The following WARS1 variants were observed in gnomAD, a reference collection of about 807,000 sequenced individuals.
The protein encoded by WARS1 is tryptophan--tRNA ligase, cytoplasmic.
In WARS1, 17 loss-of-function variants were observed where a neutral mutation model predicts 47.8. The ratio of observed to expected loss-of-function variants is 0.36; its 90% CI spans 0.24 to 0.53. The LOEUF (loss-of-function observed/expected upper bound fraction) is 0.53. Ranked by LOEUF, WARS1 falls within the 20% of genes least tolerant of loss-of-function variation. The pLI, the probability that WARS1 is intolerant of heterozygous loss-of-function variation, is 0.91. For missense variants in WARS1, 434 were observed against 608.0 expected (o/e 0.71, Z 3.01); for synonymous variants, 208 against 228.1 (o/e 0.91, Z 0.79).
At chr14:100,346,620 A>G (rs1467067747) in intron 7 of WARS1, 126 bp downstream of exon 7, 1 of 754,398 alleles carries the variant, frequency 1.3e-6, no homozygotes, top group Non-Finnish European at 2.2e-6. Flanking sequence ...TGGGCATCCT[A>G]CTTAAAGAGA....
intron 4 of WARS1, among the ~76,000 whole-genome samples, chr14:100,360,281 C>A (rs1462201119): frequency 3.3e-5 from 5 of 152,130 alleles, no homozygotes; most frequent in Non-Finnish European, 7.3e-5. Context: ...TCTTTACAGC[C>A]TGTAATCTGG....
intron 10 of WARS1, among the ~76,000 whole-genome samples, chr14:100,335,996 G>A (rs1297934756): frequency 6.6e-6 from 1 of 151,228 alleles, no homozygotes; most frequent in Non-Finnish European, 1.5e-5. Flanking sequence ...GAGGGTCTTG[G>A]CTGGACGCGG....
intron 6 of WARS1, among the ~76,000 whole-genome samples, chr14:100,349,220 C>T (rs1894817078): frequency 6.6e-6 from 1 of 152,190 alleles, no homozygotes; most frequent in Non-Finnish European, 1.5e-5. Context: ...GCAGTGCAGG[C>T]ACTATCATCT....
At position 100,355,369 on chromosome 14, in the gene WARS1, C is replaced by T. The variant is rs895204041; in HGVS notation, c.423-803G>A. On this transcript the variant is annotated intron_variant, in intron 4 of 10. Coordinates refer to ENST00000392882, the MANE Select transcript of WARS1 (RefSeq NM_004184.4). ...CCGAGTAGCTGGGCATAGTAGGCACCTGCCACTATGCCCAGCTAATTTTTT... is the reference window on the plus strand; with the variant it reads ...CCGAGTAGCTGGGCATAGTAGGCACTTGCCACTATGCCCAGCTAATTTTTT... 4.6e-5 allele frequency among the ~76,000 whole-genome samples: 7 copies of T among 152,062 alleles called. No individual in the cohort carries two copies. The East Asian group carries it at 1.4e-3, about 30-fold the overall frequency.
At position 100,347,094 on chromosome 14, in the gene WARS1, G is replaced by A. The variant is rs732625; in HGVS notation, c.726-248C>T. ...GAAAGGCAGAAACCAGTGTGAAACCGACGTGAAGCAGACATACAAACAAGG... is the reference window on the plus strand; with the variant it reads ...GAAAGGCAGAAACCAGTGTGAAACCAACGTGAAGCAGACATACAAACAAGG... On this transcript the variant is annotated intron_variant, in intron 6 of 10. Coordinates refer to ENST00000392882, the MANE Select transcript of WARS1 (RefSeq NM_004184.4). Among the ~76,000 whole-genome samples the A allele has an allele frequency of 5.9e-3, 898 of 152,322 alleles. 3 individuals carry two copies. The highest frequency in any genetic ancestry group is 0.014 in the Middle Eastern group (4 of 294).
rs1309300657 is a variant in WARS1 at position 100,366,744 on chromosome 14, G to C, written c.99+2343C>G. 3.4e-6 allele frequency: 3 copies of C among 878,684 alleles called. No individual in the cohort carries two copies. The African/African-American group carries it at 4.9e-5, about 14-fold the overall frequency. The allele number at this position is 878,684 out of a possible 1,614,324, so 54.4% of individuals were successfully genotyped here. On this transcript the variant is annotated intron_variant, in intron 2 of 10. Coordinates refer to ENST00000392882, the MANE Select transcript of WARS1 (RefSeq NM_004184.4). The stretch of plus-strand genomic sequence containing the variant: ...ATCCAGAAGAAGCTGGCTGAAAAAG[G>C]GCTAAGGGATCCGTGGGGCCACAAT...
At chr14:100,351,855 T>C (rs1351978849) in intron 6 of WARS1, among the ~76,000 whole-genome samples, 1 of 151,908 alleles carries the variant, frequency 6.6e-6, no homozygotes, top group Non-Finnish European at 1.5e-5. Context: ...TAGCCGGACA[T>C]GGTGGCGGGC....
intron 2 of WARS1, chr14:100,368,517 GGAGTACATAACCAAAA>G (rs913931374): frequency 5.0e-5 from 23 of 455,900 alleles, no homozygotes; most frequent in African/African-American, 4.2e-4. Context: ...ACAGATATGG[GGAGTACATAACCAAAA>G]GATCGGCTAA....
At chr14:100,360,489 C>A in intron 4 of WARS1, 65 bp downstream of exon 4, 1 of 1,337,080 alleles carries the variant, frequency 7.5e-7, no homozygotes, top group Non-Finnish European at 1.0e-6. Flanking sequence ...AAGAGAGTGT[C>A]TTACGATTTT....
rs1893543150 is a variant in WARS1, at chr14:100,334,027, C to CT, written c.*847dup. 6.5e-6 allele frequency: 1 copy of CT among 152,678 alleles called. No homozygotes were observed. Among genetic ancestry groups the CT allele is most frequent in the African/African-American group, 2.4e-5 (1 of 41,448 alleles). 9.5% of individuals were successfully genotyped at this position (152,678 alleles called of 1,614,324 possible). Reference sequence around the variant, plus strand: ...CCAGGGACACAGCCAGGGCACTGCTCTGTGCTGACTTCCACTGCAGCCAAG... The same window carrying CT: ...CCAGGGACACAGCCAGGGCACTGCTCTTGTGCTGACTTCCACTGCAGCCAAG... On this transcript the variant is annotated 3_prime_UTR_variant, in exon 11 of 11. Transcript: ENST00000392882.
chr14:100,341,344 G>A (rs577288785), intron 9 of WARS1, among the ~76,000 whole-genome samples: 23 of 152,324 alleles, frequency 1.5e-4, no homozygotes, highest in Non-Finnish European at 2.9e-4. Flanking sequence ...GGAAAGAAAA[G>A]TCTTCAATTA....
intron 9 of WARS1, among the ~76,000 whole-genome samples, chr14:100,338,758 A>G (rs1386282369): frequency 2.0e-5 from 3 of 151,638 alleles, no homozygotes; most frequent in Non-Finnish European, 4.4e-5. Flanking sequence ...ATGGGAAAAA[A>G]GGTGGGCAGA....
At chr14:100,369,895 C>T (rs190856477) in intron 1 of WARS1, among the ~76,000 whole-genome samples, 33 of 106,038 alleles carry the variant, frequency 3.1e-4, no homozygotes, top group Admixed American at 2.4e-3. Flanking sequence ...AACTTCTGAC[C>T]TCAGGTGATC....
chr14:100,368,945 G>C (rs1343614594), intron 2 of WARS1, 142 bp downstream of exon 2: 1 of 457,416 alleles, frequency 2.2e-6, no homozygotes. Context: ...TGGGAAACAA[G>C]AGTGAAATTC....
chr14:100,336,005 G>A (rs750615983), intron 10 of WARS1, among the ~76,000 whole-genome samples: 21 of 151,472 alleles, frequency 1.4e-4, no homozygotes, highest in East Asian at 2.0e-4. Flanking sequence ...GGCTGGACGC[G>A]GTGGTCACAG....
chr14:100,375,660 TTCCCGTTCCCCACCCTCA>T (rs1170320403), upstream of WARS1: 1 of 151,986 alleles, frequency 6.6e-6, no homozygotes, highest in African/African-American at 2.4e-5. Flanking sequence ...CCCCACCCTC[TTCCCGTTCCCCACCCTCA>T]GCGTCAGTGT....
chr14:100,334,996 T>C lies in WARS1; in HGVS notation c.1295A>G (p.Lys432Arg), dbSNP rs976993442. Residue 432 changes from lysine (K) to arginine (R), a missense_variant, in exon 11 of 11, where the codon AAG becomes AGG. Coordinates refer to ENST00000392882, the MANE Select transcript of WARS1 (RefSeq NM_004184.4). ...SGAMLTGELK[K>R]ALIEVLQPLI... Reference sequence around the variant, plus strand: ...GGGCTGCAGAACCTCTATGAGTGCCTTCTTGAGCTCACCGGTGAGCATGGC... The same window carrying C: ...GGGCTGCAGAACCTCTATGAGTGCCCTCTTGAGCTCACCGGTGAGCATGGC... 6.2e-7 allele frequency: 1 copy of C among 1,614,100 alleles called. No individual in the cohort carries two copies. Among genetic ancestry groups the C allele is most frequent in the Non-Finnish European group, 8.5e-7 (1 of 1,180,002 alleles).
intron 9 of WARS1, among the ~76,000 whole-genome samples, chr14:100,337,688 C>CAAA (rs35725702): frequency 6.1e-5 from 7 of 114,404 alleles, no homozygotes; most frequent in African/African-American, 1.7e-4. Flanking sequence ...TCCTCTCTGC[C>CAAA]AAAAAAAAAA....
intron 8 of WARS1, 142 bp from the exon 9 acceptor site, chr14:100,342,713 T>C (rs1894255318): frequency 2.6e-6 from 2 of 760,532 alleles, no homozygotes; most frequent in Admixed American, 6.0e-5. Flanking sequence ...CTTCATCTTT[T>C]CCTTTTTTTT....
Sources: gnomAD v4.1 joint callset for allele counts (sites outside exome capture counted in the v4.1 genomes callset) on GRCh38, gnomAD v4.1.1 for gene constraint, MANE v1.5 for transcripts, NCBI Gene and HGNC (gene_info 2026-07-23, HGNC 2026-07-21) for gene names.